Variants in SORBS2 observed in about 807,000 individuals in gnomAD.
The protein encoded by SORBS2 is sorbin and SH3 domain-containing protein 2.
A neutral mutation model predicts 97.7 loss-of-function variants in SORBS2; 46 were observed. That is an observed-to-expected ratio of 0.47 (90% confidence interval 0.37 to 0.60). The LOEUF is 0.60. Among genes scored for constraint, SORBS2 ranks in the 20% least tolerant of loss-of-function variants. The pLI, the probability that SORBS2 is intolerant of heterozygous loss-of-function variation, is 0.00. For missense variants in SORBS2, 1,316 were observed against 1,282.3 expected, an observed-to-expected ratio of 1.03 and a Z score of -0.40; for synonymous variants, 476 against 473.4, an observed-to-expected ratio of 1.01 and a Z score of -0.07.
intron 1 of SORBS2, among the ~76,000 whole-genome samples, chr4:185,847,989 T>C (rs574999696): frequency 2.4e-4 from 36 of 152,236 alleles, no homozygotes; most frequent in Non-Finnish European, 5.3e-4. Context: ...AATTGTGGGA[T>C]CTGAACTCTC....
chr4:185,780,007 A>ATT (rs538693770), intron 1 of SORBS2, among the ~76,000 whole-genome samples: 10,020 of 97,698 alleles, frequency 0.1, 691 homozygotes, highest in East Asian at 0.33. Context: ...GTAGAGTAAC[A>ATT]TTTTTTTTTT....
upstream of SORBS2, chr4:185,657,612 G>A: frequency 6.3e-7 from 1 of 1,583,352 alleles, no homozygotes; most frequent in Non-Finnish European, 8.6e-7. Flanking sequence ...CAGAAAATTT[G>A]GTAACATGGA....
chr4:185,840,496 T>G (rs1288086567), intron 1 of SORBS2, among the ~76,000 whole-genome samples: 1 of 152,172 alleles, frequency 6.6e-6, no homozygotes, highest in African/African-American at 2.4e-5. Context: ...GTCTGTAGAA[T>G]ATCTGAGTGG....
intron 2 of SORBS2, among the ~76,000 whole-genome samples, chr4:185,742,038 G>A (rs879392010): frequency 3.3e-5 from 5 of 152,142 alleles, no homozygotes; most frequent in African/African-American, 4.8e-5. Flanking sequence ...CTCTGAAATC[G>A]GCATCTTGGC....
intron 2 of SORBS2, among the ~76,000 whole-genome samples, chr4:185,728,152 G>C (rs1459173707): frequency 6.6e-6 from 1 of 152,126 alleles, no homozygotes; most frequent in African/African-American, 2.4e-5. Flanking sequence ...ATTCAGCTAA[G>C]GTTCTCCCTT....
At chr4:185,792,459 A>C (rs528909213) in intron 1 of SORBS2, among the ~76,000 whole-genome samples, 1 of 151,962 alleles carries the variant, frequency 6.6e-6, no homozygotes, top group African/African-American at 2.4e-5. Context: ...ATGCCACTGC[A>C]CTCCGACCTG....
chr4:185,941,677 C>T (rs962983544), intron 1 of SORBS2, among the ~76,000 whole-genome samples: 1 of 152,180 alleles, frequency 6.6e-6, no homozygotes, highest in African/African-American at 2.4e-5. Flanking sequence ...CTGTACTCAA[C>T]ACGAGTATGA....
intron 1 of SORBS2, among the ~76,000 whole-genome samples, chr4:185,914,792 G>A (rs1030956953): frequency 3.3e-5 from 5 of 152,046 alleles, no homozygotes; most frequent in South Asian, 2.1e-4. Context: ...TTCCTGTCTC[G>A]GCATCTTTAT....
At chr4:185,908,606 T>C (rs1164350397) in intron 1 of SORBS2, among the ~76,000 whole-genome samples, 1 of 151,926 alleles carries the variant, frequency 6.6e-6, no homozygotes, top group African/African-American at 2.4e-5. Flanking sequence ...GAGTAATGAT[T>C]CTGAAGCTGT....
intron 2 of SORBS2, among the ~76,000 whole-genome samples, chr4:185,747,226 G>C (rs1408835060): frequency 1.3e-5 from 2 of 152,172 alleles, no homozygotes; most frequent in African/African-American, 4.8e-5. Context: ...AACCAGACCT[G>C]CTCTCACCTT....
chr4:185,713,618 C>T (rs1293258204), intron 2 of SORBS2, among the ~76,000 whole-genome samples: 1 of 152,062 alleles, frequency 6.6e-6, no homozygotes, highest in African/African-American at 2.4e-5. Context: ...ATACTTTTTT[C>T]CTTTAGCAAA....
At chr4:185,740,904 A>G (rs1435189659) in intron 2 of SORBS2, among the ~76,000 whole-genome samples, 3 of 152,060 alleles carry the variant, frequency 2.0e-5, no homozygotes, top group Non-Finnish European at 4.4e-5. Context: ...AACTCGGACC[A>G]GCACTAACTC....
chr4:185,904,715 G>A (rs2099249728), intron 1 of SORBS2, among the ~76,000 whole-genome samples: 1 of 152,240 alleles, frequency 6.6e-6, no homozygotes, highest in South Asian at 2.1e-4. Flanking sequence ...AAATAAAAGA[G>A]AAAGTATAAA....
intron 14 of SORBS2, among the ~76,000 whole-genome samples, chr4:185,588,817 G>T (rs1408267016): frequency 6.6e-6 from 1 of 152,128 alleles, no homozygotes; most frequent in Non-Finnish European, 1.5e-5. Context: ...GTTTCACCAT[G>T]TTGACCAGGC....
intron 2 of SORBS2, among the ~76,000 whole-genome samples, chr4:185,731,862 CTCTCTATATATATATATATA>C (rs1231038721): frequency 0.02 from 603 of 30,524 alleles, 3 homozygotes; most frequent in Non-Finnish European, 0.022. Flanking sequence ...CTCTCTCTCT[CTCTCTATATATATATATATA>C]TATATATATA....
chr4:185,641,983 G>C (rs1231433148), intron 4 of SORBS2, among the ~76,000 whole-genome samples: 1 of 152,148 alleles, frequency 6.6e-6, no homozygotes, highest in Non-Finnish European at 1.5e-5. Flanking sequence ...TATTCTCAGT[G>C]AGGCATGTGC....
chr4:185,931,771 A>T (rs1314456749), intron 1 of SORBS2, among the ~76,000 whole-genome samples: 1 of 150,454 alleles, frequency 6.6e-6, no homozygotes, highest in African/African-American at 2.5e-5. Context: ...AAAAATAAAG[A>T]AAAGAAAGAA....
At position 185,938,389 on chromosome 4, in the gene SORBS2, TACACAC is replaced by T. The variant is rs34337257; in HGVS notation, c.-338+17801_-338+17806del. Among the ~76,000 whole-genome samples, 598 of 136,436 alleles carry T rather than the reference TACACAC, an allele frequency of 4.4e-3. 1 individual carries two copies. Among genetic ancestry groups the T allele is most frequent in the East Asian group, 7.6e-3 (34 of 4,448 alleles). The allele number at this position is 136,436 out of a possible 152,430, so 89.5% of individuals were successfully genotyped here. ...TCTCACCCAGAAAAATGTAGACACATACACACACACACACACACACACACACACACA... is the reference window on the plus strand; with the variant it reads ...TCTCACCCAGAAAAATGTAGACACATACACACACACACACACACACACACA... On this transcript the variant is annotated intron_variant, in intron 1 of 20. Transcript: ENST00000284776.
intron 4 of SORBS2, among the ~76,000 whole-genome samples, 156 bp downstream of exon 14, chr4:185,638,721 G>T (rs1173795276): frequency 6.6e-6 from 1 of 151,802 alleles, no homozygotes; most frequent in Admixed American, 6.6e-5. Context: ...ACAGGGCATT[G>T]GGGGGCTCTC....
Sources: allele counts gnomAD v4.1 joint callset (sites outside exome capture counted in the v4.1 genomes callset), GRCh38; gene constraint gnomAD v4.1.1; transcripts MANE v1.5; gene names NCBI Gene and HGNC (gene_info 2026-07-23, HGNC 2026-07-21).